Variants in ERGIC1 observed in about 807,000 individuals in gnomAD.
ERGIC1 encodes endoplasmic reticulum-Golgi intermediate compartment protein 1.
In ERGIC1, 19 loss-of-function variants were observed where a neutral mutation model predicts 38.3. That is an observed-to-expected ratio of 0.50 (90% CI 0.35 to 0.73). The LOEUF (loss-of-function observed/expected upper bound fraction) is 0.73. Ranked by LOEUF, ERGIC1 falls within the 30% of genes least tolerant of loss-of-function variation. The pLI is 0.01. For missense variants in ERGIC1, 294 were observed against 389.2 expected (o/e 0.76, Z 2.06); for synonymous variants, 124 against 157.6 (o/e 0.79, Z 1.60).
intron 3 of ERGIC1, among the ~76,000 whole-genome samples, chr5:172,903,315 C>G (rs1466450419): frequency 6.6e-6 from 1 of 152,184 alleles, no homozygotes; most frequent in African/African-American, 2.4e-5. Context: ...CTGCAGGCAC[C>G]TGGGCCCTGG....
At chr5:172,901,124 C>T (rs567581250) in intron 3 of ERGIC1, among the ~76,000 whole-genome samples, 13 of 152,304 alleles carry the variant, frequency 8.5e-5, no homozygotes, top group Non-Finnish European at 1.3e-4. Flanking sequence ...TGCCCCCTCC[C>T]GCCACCATGA....
chr5:172,921,909 G>A (rs758921335), intron 5 of ERGIC1, among the ~76,000 whole-genome samples: 8 of 152,184 alleles, frequency 5.3e-5, no homozygotes, highest in Non-Finnish European at 1.0e-4. Context: ...CCTTCCCCCT[G>A]GGAAGCCCTC....
rs149207663 is a variant in ERGIC1 at position 172,890,625 on chromosome 5, G to A, written c.82+1865G>A. Among the ~76,000 whole-genome samples, 19 of 152,224 alleles carry A rather than the reference G, an allele frequency of 1.2e-4. No homozygotes were observed. In the East Asian group the frequency reaches 3.5e-3, roughly 28 times the overall value. On this transcript the variant is annotated intron_variant, in intron 2 of 9. Transcript: ENST00000393784. ...CACCTTGCAAACAGGGGATGCTTTCGCCTCATTTTCCCAATGAGAAAATGA... is the reference window on the plus strand; with the variant it reads ...CACCTTGCAAACAGGGGATGCTTTCACCTCATTTTCCCAATGAGAAAATGA...
At chr5:172,899,884 T>C (rs1050230430) in intron 3 of ERGIC1, among the ~76,000 whole-genome samples, 1 of 152,258 alleles carries the variant, frequency 6.6e-6, no homozygotes, top group Non-Finnish European at 1.5e-5. Context: ...TAACTTAATA[T>C]AGTGCGGCTA....
At chr5:172,902,021 G>C (rs1762894241) in intron 3 of ERGIC1, among the ~76,000 whole-genome samples, 2 of 152,210 alleles carry the variant, frequency 1.3e-5, no homozygotes, top group Non-Finnish European at 2.9e-5. Context: ...ACCACATGAA[G>C]CACTAAGTGG....
At chr5:172,923,622 C>G (rs913069795) in intron 5 of ERGIC1, among the ~76,000 whole-genome samples, 1 of 152,164 alleles carries the variant, frequency 6.6e-6, no homozygotes, top group South Asian at 2.1e-4. Context: ...TGAGGAATCC[C>G]CATTAGTCTG....
At chr5:172,880,723 G>T (rs912927387) in intron 1 of ERGIC1, among the ~76,000 whole-genome samples, 4 of 152,268 alleles carry the variant, frequency 2.6e-5, no homozygotes, top group Admixed American at 6.5e-5. Context: ...AAAGCGAACG[G>T]GTTGGACACA....
rs1290241305 is a variant in ERGIC1, at chr5:172,951,324, C to G, written c.*508C>G. Reference sequence around the variant, plus strand: ...TACTCCTTTATACACCCGGCACCTTCCACGAAAGATGGTACTTCCCAAGCA... The same window carrying G: ...TACTCCTTTATACACCCGGCACCTTGCACGAAAGATGGTACTTCCCAAGCA... On this transcript the variant is annotated 3_prime_UTR_variant, in exon 10 of 10. Transcript: ENST00000393784. The G allele has an allele frequency of 6.6e-6, 1 of 152,434 alleles. No individual in the cohort carries two copies. Among genetic ancestry groups the G allele is most frequent in the Non-Finnish European group, 1.5e-5 (1 of 68,218 alleles). 9.4% of individuals were successfully genotyped at this position (152,434 alleles called of 1,614,324 possible).
At chr5:172,902,579 C>T (rs1346547021) in intron 3 of ERGIC1, among the ~76,000 whole-genome samples, 1 of 152,104 alleles carries the variant, frequency 6.6e-6, no homozygotes, top group African/African-American at 2.4e-5. Context: ...TCAGAGGGGC[C>T]GAGGGTGCTG....
At chr5:172,920,397 G>A (rs773773043) in intron 5 of ERGIC1, 20 of 717,840 alleles carry the variant, frequency 2.8e-5, no homozygotes, top group African/African-American at 7.0e-5. Context: ...CAGAGTTTGC[G>A]TGTTTTGAGC....
At chr5:172,909,361 T>C (rs1301002058) in intron 3 of ERGIC1, among the ~76,000 whole-genome samples, 1 of 152,078 alleles carries the variant, frequency 6.6e-6, no homozygotes, top group Non-Finnish European at 1.5e-5. Flanking sequence ...GGTTTCACCA[T>C]GTTGGTCAGG....
intron 1 of ERGIC1, among the ~76,000 whole-genome samples, chr5:172,845,613 T>C (rs899039918): frequency 6.6e-6 from 1 of 152,264 alleles, no homozygotes; most frequent in Middle Eastern, 3.2e-3. Flanking sequence ...TTAAAATTCA[T>C]GTTTTAATTC....
intron 1 of ERGIC1, among the ~76,000 whole-genome samples, chr5:172,873,569 G>C (rs1012638606): frequency 6.6e-6 from 1 of 152,236 alleles, no homozygotes; most frequent in African/African-American, 2.4e-5. Flanking sequence ...GCACAGGAGA[G>C]CAGCGATGAG....
chr5:172,923,673 C>T (rs961598414), intron 5 of ERGIC1, among the ~76,000 whole-genome samples: 4 of 152,134 alleles, frequency 2.6e-5, no homozygotes, highest in African/African-American at 4.8e-5. Flanking sequence ...TGGGGTCAGC[C>T]GCCCAGAATC....
At chr5:172,912,362 T>C (rs1159138277) in intron 4 of ERGIC1, among the ~76,000 whole-genome samples, 4 of 152,178 alleles carry the variant, frequency 2.6e-5, no homozygotes, top group African/African-American at 9.7e-5. Flanking sequence ...CTGATAATAT[T>C]ATCTTCCCCA....
chr5:172,857,169 G>A (rs768004757), intron 1 of ERGIC1, among the ~76,000 whole-genome samples: 5 of 152,184 alleles, frequency 3.3e-5, no homozygotes, highest in East Asian at 1.9e-4. Flanking sequence ...GGAATAAGGG[G>A]AACTTCTTGA....
chr5:172,856,260 G>A (rs1761545792), intron 1 of ERGIC1, among the ~76,000 whole-genome samples: 1 of 152,224 alleles, frequency 6.6e-6, no homozygotes, highest in Non-Finnish European at 1.5e-5. Context: ...GCCAGGCCCA[G>A]GCAGGTGGAC....
chr5:172,920,986 G>C (rs1763498455), intron 5 of ERGIC1, among the ~76,000 whole-genome samples: 1 of 152,198 alleles, frequency 6.6e-6, no homozygotes, highest in Admixed American at 6.5e-5. Context: ...ACCCACAGTG[G>C]GCTTTTCCTC....
At chr5:172,890,022 A>G (rs1762518293) in intron 2 of ERGIC1, among the ~76,000 whole-genome samples, 1 of 152,330 alleles carries the variant, frequency 6.6e-6, no homozygotes, top group South Asian at 2.1e-4. Flanking sequence ...TAGTAACTCT[A>G]TTTCAAAGAA....
Sources: allele counts gnomAD v4.1 joint callset (sites outside exome capture counted in the v4.1 genomes callset), GRCh38; gene constraint gnomAD v4.1.1; transcripts MANE v1.5; gene names NCBI Gene and HGNC (gene_info 2026-07-23, HGNC 2026-07-21).